Variants in DIS3L2 observed in about 807,000 individuals in gnomAD.
The protein encoded by DIS3L2 is DIS3 like 3'-5' exoribonuclease 2.
In DIS3L2, 34 loss-of-function variants were observed where a neutral mutation model predicts 97.5. That is an observed-to-expected ratio of 0.35 (90% CI 0.27 to 0.46). DIS3L2 has a LOEUF of 0.46. Among genes scored for constraint, DIS3L2 ranks in the 20% least tolerant of loss-of-function variants. DIS3L2 has a pLI of 1.00. For missense variants in DIS3L2, 1,038 were observed against 1,146.0 expected (o/e 0.91, Z 1.36); for synonymous variants, 435 against 445.2 (o/e 0.98, Z 0.29).
At chr2:232,075,633 A>G (rs561048963) in intron 5 of DIS3L2, among the ~76,000 whole-genome samples, 1 of 152,084 alleles carries the variant, frequency 6.6e-6, no homozygotes, top group Non-Finnish European at 1.5e-5. Flanking sequence ...GATGTTCCTC[A>G]TCATCTTGCA....
rs1692156686 is a variant in DIS3L2 at position 232,210,422 on chromosome 2, T to C, written c.1204+17T>C. 8 of 1,607,674 alleles carry C rather than the reference T, an allele frequency of 5.0e-6. No individual in the cohort carries two copies. In the South Asian group the frequency reaches 7.7e-5, roughly 15 times the overall value. ...TCGCTGACGGTAGGATGGAAATTTC[T>C]ATAGCATCTTGGGTAGCAGGCAGTC... is the stretch of plus-strand genomic sequence containing the variant. On this transcript the variant is annotated intron_variant, in intron 10 of 20. Transcript: ENST00000325385.
In DIS3L2 at chr2:232,100,924, G is replaced by C. The variant is rs1026961346; in HGVS notation, c.601+13203G>C. On this transcript the variant is annotated intron_variant, in intron 6 of 20. Transcript: ENST00000325385. ...GTGTGTACTTTATCTGTCAGTTTCT[G>C]AGAGGGATCTTTAAAAATTTATGTC... 1.1e-4 allele frequency among the ~76,000 whole-genome samples: 16 copies of C among 151,876 alleles called. 1 individual carries two copies. The highest frequency in any genetic ancestry group is 8.5e-4 in the Admixed American group (13 of 15,226).
rs148715199 is a variant in DIS3L2 at position 232,289,558 on chromosome 2, C to T, written c.1660-10482C>T. 4.1e-3 allele frequency among the ~76,000 whole-genome samples: 619 copies of T among 152,340 alleles called. 5 individuals carry two copies. The highest frequency in any genetic ancestry group is 0.014 in the African/African-American group (582 of 41,576). ...AAAGTGATGGGATTATAGGCATGAGCCACCGCGCCCAGCCAGGAAAGAGAT... is the reference window on the plus strand; with the variant it reads ...AAAGTGATGGGATTATAGGCATGAGTCACCGCGCCCAGCCAGGAAAGAGAT... On this transcript the variant is annotated intron_variant, in intron 13 of 20. Coordinates refer to ENST00000325385, the MANE Select transcript of DIS3L2 (RefSeq NM_152383.5).
intron 9 of DIS3L2, among the ~76,000 whole-genome samples, chr2:232,195,211 G>A (rs946130693): frequency 2.0e-5 from 3 of 152,080 alleles, no homozygotes; most frequent in Non-Finnish European, 4.4e-5. Context: ...TAGAATCCCC[G>A]ATTATCCTGA....
intron 11 of DIS3L2, among the ~76,000 whole-genome samples, chr2:232,241,147 C>G (rs1028975976): frequency 1.2e-4 from 19 of 152,250 alleles, no homozygotes; most frequent in Non-Finnish European, 2.6e-4. Context: ...AACCGCTGCT[C>G]TGACCTTTCT....
At chr2:231,999,139 TA>T (rs1461204561) in intron 1 of DIS3L2, among the ~76,000 whole-genome samples, 1 of 152,250 alleles carries the variant, frequency 6.6e-6, no homozygotes, top group African/African-American at 2.4e-5. Context: ...AGATAATTTG[TA>T]AACTAATGAG....
At chr2:232,136,411 C>G in intron 7 of DIS3L2, 61 bp from the exon 8 acceptor site, 4 of 1,589,690 alleles carry the variant, frequency 2.5e-6, no homozygotes, top group Non-Finnish European at 2.6e-6. Flanking sequence ...CTGCTGACCT[C>G]TCCCAAGTGT....
intron 5 of DIS3L2, among the ~76,000 whole-genome samples, chr2:232,086,236 C>CGT (rs1696584628): frequency 2.7e-5 from 4 of 150,836 alleles, no homozygotes; most frequent in African/African-American, 7.3e-5. Context: ...GACGTGTATA[C>CGT]GTATATATAC....
chr2:232,036,798 G>A (rs1167348079), intron 5 of DIS3L2, among the ~76,000 whole-genome samples: 2 of 152,180 alleles, frequency 1.3e-5, no homozygotes, highest in Admixed American at 1.3e-4. Flanking sequence ...AGGTCTGCTG[G>A]AGTTTGCTGG....
At chr2:232,329,785 T>TCCCCGGGG in intron 14 of DIS3L2, 28 bp from the exon 15 acceptor site, 23 of 967,124 alleles carry the variant, frequency 2.4e-5, no homozygotes, top group Non-Finnish European at 3.2e-5. Flanking sequence ...ACCCCAGCGG[T>TCCCCGGGG]CCCTCCCATC....
chr2:232,130,532 C>A, intron 6 of DIS3L2, 87 bp from the exon 7 acceptor site: 1 of 1,465,076 alleles, frequency 6.8e-7, no homozygotes, highest in South Asian at 1.4e-5. Context: ...GGTATCCAGG[C>A]ATCTTTCTAG....
chr2:232,228,027 G>C (rs566656680), intron 10 of DIS3L2, among the ~76,000 whole-genome samples: 66 of 152,262 alleles, frequency 4.3e-4, no homozygotes, highest in African/African-American at 1.3e-3. Flanking sequence ...GAGTGCGATG[G>C]TGCTATCTTG....
rs1695927224 is a variant in DIS3L2, at chr2:232,335,859, G to A, written c.2481G>A (p.Gln827=). The stretch of plus-strand genomic sequence containing the variant: ...TCTGGGAGCCTGAGGACATGGAGCA[G>A]GAGCCAGCACAGCAGGTCAGAACCC... ...TLVWEPEDME[Q]EPAQQVITIF... The change falls in exon 20 of 21, where the codon CAG becomes CAA. Residue 827 remains glutamine (Q), a synonymous_variant. Transcript: ENST00000325385. The A allele has an allele frequency of 6.4e-7, 1 of 1,550,762 alleles. No individual in the cohort carries two copies. The highest frequency in any genetic ancestry group is 8.7e-7 in the Non-Finnish European group (1 of 1,147,032).
chr2:232,273,302 G>A (rs1694054750), intron 13 of DIS3L2, among the ~76,000 whole-genome samples: 1 of 152,098 alleles, frequency 6.6e-6, no homozygotes, highest in Admixed American at 6.5e-5. Flanking sequence ...TAAGGGTAAA[G>A]ACAACATCTT....
chr2:232,195,190 C>G (rs546658282), intron 9 of DIS3L2, among the ~76,000 whole-genome samples: 11 of 152,266 alleles, frequency 7.2e-5, no homozygotes, highest in African/African-American at 2.4e-4. Flanking sequence ...AAGTCATACT[C>G]AATTTAATAA....
chr2:231,979,348 G>A (rs1693185751), intron 1 of DIS3L2, among the ~76,000 whole-genome samples: 2 of 151,918 alleles, frequency 1.3e-5, no homozygotes, highest in Admixed American at 6.6e-5. Context: ...TTGACCTCCT[G>A]GGCTCAGGTG....
intron 6 of DIS3L2, among the ~76,000 whole-genome samples, chr2:232,104,078 A>G (rs570295972): frequency 6.6e-6 from 1 of 151,402 alleles, no homozygotes; most frequent in Non-Finnish European, 1.5e-5. Context: ...ATTTTTGTTT[A>G]TTATAAATAA....
At chr2:232,035,409 C>G (rs753222750) in intron 5 of DIS3L2, among the ~76,000 whole-genome samples, 23 of 152,060 alleles carry the variant, frequency 1.5e-4, no homozygotes, top group Non-Finnish European at 2.5e-4. Context: ...CGTGAGATGG[C>G]TCTCCTAAAT....
At chr2:232,026,603 C>T (rs905192498) in intron 4 of DIS3L2, among the ~76,000 whole-genome samples, 3 of 151,874 alleles carry the variant, frequency 2.0e-5, no homozygotes, top group Non-Finnish European at 4.4e-5. Flanking sequence ...CTTTGGGCTG[C>T]TTATTTTAGG....
Sources: gnomAD v4.1 joint callset for allele counts (sites outside exome capture counted in the v4.1 genomes callset) on GRCh38, gnomAD v4.1.1 for gene constraint, MANE v1.5 for transcripts, NCBI Gene and HGNC (gene_info 2026-07-23, HGNC 2026-07-21) for gene names.